SGCZ: variants seen among roughly 807,000 people sequenced by gnomAD.
The protein encoded by SGCZ is sarcoglycan zeta.
In SGCZ, 40 loss-of-function variants were observed where a neutral mutation model predicts 41.3. The observed-to-expected ratio is 0.97, with a 90% CI of 0.75 to 1.26. The LOEUF (loss-of-function observed/expected upper bound fraction) is 1.26, where lower values mean the gene tolerates loss of function less well. SGCZ is among the 50% of genes most tolerant of loss of function. The pLI is 0.00. For synonymous variants in SGCZ, 206 were observed against 137.5 expected, an observed-to-expected ratio of 1.50 and a Z score of -3.49; for missense variants, 552 against 369.8, an observed-to-expected ratio of 1.49 and a Z score of -4.04.
At chr8:14,560,258 A>G (rs899088930) in intron 1 of SGCZ, among the ~76,000 whole-genome samples, 14 of 152,008 alleles carry the variant, frequency 9.2e-5, no homozygotes, top group African/African-American at 3.4e-4. Flanking sequence ...GTTATGAATA[A>G]CCTAATTGTC....
At position 14,687,174 on chromosome 8, in the gene SGCZ, AT is replaced by A. The variant is rs1563202884; in HGVS notation, c.40-132249del. On this transcript the variant is annotated intron_variant, in intron 1 of 7. Coordinates refer to ENST00000382080, the MANE Select transcript of SGCZ (RefSeq NM_139167.4). ...TACTCACTTTAAAGAAAAAAAAAAT[AT>A]ATATATATATATATATTTTAATTTT... Among the ~76,000 whole-genome samples the A allele has an allele frequency of 4.3e-4, 59 of 138,304 alleles. 1 individual carries two copies. Among genetic ancestry groups the A allele is most frequent in the Middle Eastern group, 4.4e-3 (1 of 226 alleles). The allele number at this position is 138,304 out of a possible 152,430, so 90.7% of individuals were successfully genotyped here.
chr8:14,581,487 T>C (rs1804887904), intron 1 of SGCZ, among the ~76,000 whole-genome samples: 1 of 151,952 alleles, frequency 6.6e-6, no homozygotes, highest in Non-Finnish European at 1.5e-5. Flanking sequence ...TGTGCATTAT[T>C]ATATCTGACT....
rs1297667443 is a variant in SGCZ at position 15,170,888 on chromosome 8, G to A, written c.39+66697C>T. ...ATGATTCGTTTAATGCAACAAAAGA[G>A]GCACAGTTGTGTAATCCAGTGAAAT... On this transcript the variant is annotated intron_variant, in intron 1 of 7. Transcript: ENST00000382080. 2.6e-5 allele frequency among the ~76,000 whole-genome samples: 4 copies of A among 152,264 alleles called. No individual in the cohort carries two copies. In the East Asian group the frequency reaches 7.7e-4, roughly 29 times the overall value.
chr8:14,092,193 C>A (rs866684593), intron 7 of SGCZ, among the ~76,000 whole-genome samples: 3 of 151,948 alleles, frequency 2.0e-5, no homozygotes, highest in South Asian at 2.1e-4. Context: ...GTTTTGGTAC[C>A]AGGACTATGC....
chr8:14,349,846 G>C (rs572774573), intron 2 of SGCZ, among the ~76,000 whole-genome samples: 2 of 152,116 alleles, frequency 1.3e-5, no homozygotes, highest in South Asian at 2.1e-4. Context: ...AAAGTTCTAT[G>C]ACCAAATAAG....
intron 1 of SGCZ, among the ~76,000 whole-genome samples, chr8:15,155,831 G>T (rs955606460): frequency 2.0e-5 from 3 of 152,146 alleles, no homozygotes; most frequent in African/African-American, 7.2e-5. Flanking sequence ...TCTGAGGCAG[G>T]TGGACTGCCT....
chr8:14,300,982 T>A (rs1038450035), intron 3 of SGCZ, among the ~76,000 whole-genome samples: 1 of 151,938 alleles, frequency 6.6e-6, no homozygotes, highest in Non-Finnish European at 1.5e-5. Flanking sequence ...AGAAAAGATA[T>A]AGCCAGAAAG....
chr8:14,414,571 G>T (rs1247937002), intron 2 of SGCZ, among the ~76,000 whole-genome samples: 2 of 151,906 alleles, frequency 1.3e-5, no homozygotes, highest in Non-Finnish European at 2.9e-5. Flanking sequence ...AACAAGTCAT[G>T]GAATTTAAAA....
intron 4 of SGCZ, among the ~76,000 whole-genome samples, chr8:14,187,614 G>T (rs1210716757): frequency 6.6e-6 from 1 of 151,054 alleles, no homozygotes; most frequent in African/African-American, 2.4e-5. Flanking sequence ...ATTTAAACTG[G>T]AAGAAAAAAA....
intron 4 of SGCZ, among the ~76,000 whole-genome samples, chr8:14,231,824 G>C (rs987614956): frequency 3.9e-5 from 6 of 151,956 alleles, no homozygotes; most frequent in Non-Finnish European, 5.9e-5. Context: ...GATCATATGC[G>C]TTCTTTTAAA....
In SGCZ at chr8:14,093,679, G is replaced by T. The variant is rs151056023; in HGVS notation, c.745-3042C>A. Among the ~76,000 whole-genome samples, 498 of 152,002 alleles carry T rather than the reference G, an allele frequency of 3.3e-3. 3 individuals are homozygous for T. Among genetic ancestry groups the T allele is most frequent in the African/African-American group, 0.011 (442 of 41,486 alleles). On this transcript the variant is annotated intron_variant, in intron 7 of 7. Transcript: ENST00000382080. ...TAAATTTCTGAACCATAAGACTACT[G>T]CACACTACAATTAAGCCAGAAAAAG...
intron 5 of SGCZ, among the ~76,000 whole-genome samples, chr8:14,158,043 G>T (rs1482773317): frequency 6.6e-6 from 1 of 151,822 alleles, no homozygotes; most frequent in African/African-American, 2.4e-5. Flanking sequence ...ATTATCCAGG[G>T]TGCTGGTAAT....
chr8:14,777,872 C>T (rs1468353522), intron 1 of SGCZ, among the ~76,000 whole-genome samples: 1 of 149,334 alleles, frequency 6.7e-6, no homozygotes, highest in Non-Finnish European at 1.5e-5. Context: ...ATATCTTACA[C>T]CTTTTCTTAT....
At chr8:14,848,770 C>G (rs1382269524) in intron 1 of SGCZ, among the ~76,000 whole-genome samples, 2 of 152,100 alleles carry the variant, frequency 1.3e-5, no homozygotes, top group African/African-American at 2.4e-5. Flanking sequence ...AACTTCGTCA[C>G]AATGGATTAG....
intron 1 of SGCZ, among the ~76,000 whole-genome samples, chr8:14,687,671 T>C (rs1233559259): frequency 1.3e-5 from 2 of 151,716 alleles, no homozygotes; most frequent in South Asian, 4.2e-4. Flanking sequence ...GCATGTGTCT[T>C]TATAGCAGCA....
chr8:14,597,051 G>T (rs779926906), intron 1 of SGCZ, among the ~76,000 whole-genome samples: 1 of 152,136 alleles, frequency 6.6e-6, no homozygotes, highest in Non-Finnish European at 1.5e-5. Context: ...AGGTAGTTTA[G>T]TAGGCAGCAT....
At chr8:14,405,680 T>C (rs769156174) in intron 2 of SGCZ, among the ~76,000 whole-genome samples, 1 of 152,188 alleles carries the variant, frequency 6.6e-6, no homozygotes, top group African/African-American at 2.4e-5. Context: ...TGTGACCATA[T>C]CAAAGCCTTA....
chr8:15,068,339 G>A (rs28591461), intron 1 of SGCZ, among the ~76,000 whole-genome samples: 4 of 151,880 alleles, frequency 2.6e-5, no homozygotes, highest in African/African-American at 9.7e-5. Flanking sequence ...TTTTCAGTGA[G>A]GCCCACACTG....
chr8:15,096,946 A>C (rs1223046643), intron 1 of SGCZ, among the ~76,000 whole-genome samples: 1 of 152,008 alleles, frequency 6.6e-6, no homozygotes, highest in African/African-American at 2.4e-5. Flanking sequence ...CGGCCTCCCA[A>C]AGCAGTGGGA....
Sources: allele counts gnomAD v4.1 joint callset (sites outside exome capture counted in the v4.1 genomes callset), GRCh38; gene constraint gnomAD v4.1.1; transcripts MANE v1.5; gene names NCBI Gene and HGNC (gene_info 2026-07-23, HGNC 2026-07-21).